Variants in KIT observed in about 807,000 individuals in gnomAD.
KIT encodes mast/stem cell growth factor receptor Kit.
KIT carries 16 observed loss-of-function variants against 105.7 expected under a neutral mutation model. The ratio of observed to expected loss-of-function variants is 0.15; its 90% CI spans 0.10 to 0.23. The LOEUF (loss-of-function observed/expected upper bound fraction) is 0.23, where lower values mean the gene tolerates loss of function less well. KIT is among the 10% of genes least tolerant of loss of function. The pLI is 1.00. For synonymous variants in KIT, 438 were observed against 441.1 expected (o/e 0.99, Z 0.09); for missense variants, 858 against 1,213.8 (o/e 0.71, Z 4.36).
At chr4:54,707,441 A>G (rs1720863682) in intron 6 of KIT, among the ~76,000 whole-genome samples, 154 bp downstream of exon 6, 1 of 152,152 alleles carries the variant, frequency 6.6e-6, no homozygotes, top group African/African-American at 2.4e-5. Context: ...CTAGTATTCC[A>G]TTTTGTTGTG....
intron 8 of KIT, among the ~76,000 whole-genome samples, chr4:54,725,339 A>T (rs1722148538): frequency 6.6e-6 from 1 of 152,148 alleles, no homozygotes; most frequent in African/African-American, 2.4e-5. Context: ...TCCTGACCTC[A>T]GGTGATCTGC....
At chr4:54,689,119 G>A (rs1026373703) in intron 1 of KIT, among the ~76,000 whole-genome samples, 8 of 152,168 alleles carry the variant, frequency 5.3e-5, no homozygotes, top group East Asian at 1.9e-4. Flanking sequence ...GCCCTCCTCC[G>A]ATCTGCTAAT....
intron 4 of KIT, among the ~76,000 whole-genome samples, chr4:54,701,074 CT>C (rs1467296977): frequency 6.6e-6 from 1 of 152,136 alleles, no homozygotes; most frequent in Non-Finnish European, 1.5e-5. Context: ...GAACATTATC[CT>C]TTTTTGAGAT....
Position 54,706,458 on chromosome 4 carries a change from T to C in KIT, c.926-640T>C, listed in dbSNP as rs114381885. On this transcript the variant is annotated intron_variant, in intron 5 of 20. Transcript: ENST00000288135. Reference sequence around the variant, plus strand: ...CTGTTACATTAATTATTTTACTATATAGACTTTTAAAAATATTTATGGATT... The same window carrying C: ...CTGTTACATTAATTATTTTACTATACAGACTTTTAAAAATATTTATGGATT... Among the ~76,000 whole-genome samples, 1,161 of 152,248 alleles carry C rather than the reference T, an allele frequency of 7.6e-3. 26 individuals are homozygous for C. Among genetic ancestry groups the C allele is most frequent in the African/African-American group, 0.027 (1,103 of 41,576 alleles).
intron 5 of KIT, among the ~76,000 whole-genome samples, chr4:54,706,239 T>G (rs1219182152): frequency 6.6e-6 from 1 of 152,092 alleles, no homozygotes; most frequent in Non-Finnish European, 1.5e-5. Flanking sequence ...AAAAAAAATC[T>G]ATATTGCTAA....
At chr4:54,661,014 C>CTG (rs1560369081) in intron 1 of KIT, among the ~76,000 whole-genome samples, 2 of 152,096 alleles carry the variant, frequency 1.3e-5, no homozygotes, top group East Asian at 3.9e-4. Flanking sequence ...GGAGGAAGGG[C>CTG]TGTAGGCATT....
rs184869774 is a variant in KIT, at chr4:54,702,784, T to G, written c.757-940T>G. On this transcript the variant is annotated intron_variant, in intron 4 of 20. Transcript: ENST00000288135. Reference sequence around the variant, plus strand: ...CCTGGTAAGCTCCTTTCCAGAAGGATTTTTCTGATTTATAATACTGTCAGA... The same window carrying G: ...CCTGGTAAGCTCCTTTCCAGAAGGAGTTTTCTGATTTATAATACTGTCAGA... Among the ~76,000 whole-genome samples the G allele has an allele frequency of 1.5e-4, 23 of 152,286 alleles. 1 individual carries two copies. The highest frequency in any genetic ancestry group is 2.1e-4 in the Non-Finnish European group (14 of 68,002).
chr4:54,698,585 TG>T lies in KIT; in HGVS notation c.619+21del. The stretch of plus-strand genomic sequence containing the variant: ...GGCCAGGTACTGGCTCTTTCTTATC[TG>T]CCTCTGGGAGTTGAGAACTCACTTA... On this transcript the variant is annotated intron_variant, in intron 3 of 20. Transcript: ENST00000288135. 6.2e-7 allele frequency: 1 copy of T among 1,613,558 alleles called. No individual in the cohort carries two copies. Among genetic ancestry groups the T allele is most frequent in the East Asian group, 2.2e-5 (1 of 44,880 alleles).
chr4:54,663,410 C>T (rs185234386), intron 1 of KIT, among the ~76,000 whole-genome samples: 11 of 152,230 alleles, frequency 7.2e-5, no homozygotes, highest in African/African-American at 1.4e-4. Context: ...CATAGTGCCC[C>T]GCATAGAGGA....
chr4:54,721,073 T>G (rs1472774440), intron 7 of KIT, among the ~76,000 whole-genome samples: 2 of 152,240 alleles, frequency 1.3e-5, no homozygotes, highest in African/African-American at 4.8e-5. Flanking sequence ...CAGTGCTTAC[T>G]GTGTGCCTGC....
At chr4:54,686,365 C>T (rs1471396820) in intron 1 of KIT, among the ~76,000 whole-genome samples, 1 of 152,172 alleles carries the variant, frequency 6.6e-6, no homozygotes, top group Admixed American at 6.5e-5. Context: ...GTACATAATA[C>T]AGTACTGAGA....
intron 1 of KIT, among the ~76,000 whole-genome samples, chr4:54,668,773 CTA>C (rs1298601698): frequency 3.3e-5 from 5 of 152,116 alleles, no homozygotes; most frequent in African/African-American, 9.7e-5. Flanking sequence ...TAAAACAAGA[CTA>C]TGTTAAAAAG....
chr4:54,711,789 G>A (rs887475219), intron 7 of KIT, among the ~76,000 whole-genome samples: 8 of 152,108 alleles, frequency 5.3e-5, no homozygotes, highest in African/African-American at 1.9e-4. Context: ...TGGTTGCGAT[G>A]ATGAGTGCGT....
At chr4:54,668,272 A>G (rs913655144) in intron 1 of KIT, among the ~76,000 whole-genome samples, 1 of 152,142 alleles carries the variant, frequency 6.6e-6, no homozygotes, top group Admixed American at 6.5e-5. Context: ...TCTGTCACTT[A>G]AGGAAGAGGC....
At chr4:54,707,060 G>C in intron 5 of KIT, 38 bp from the exon 6 acceptor site, 1 of 1,206,136 alleles carries the variant, frequency 8.3e-7, no homozygotes, top group Non-Finnish European at 1.2e-6. Flanking sequence ...AGTAGTTGTA[G>C]ATAATGGTTT....
At chr4:54,698,622 A>G in intron 3 of KIT, 57 bp downstream of exon 3, 1 of 1,583,752 alleles carries the variant, frequency 6.3e-7, no homozygotes, top group Non-Finnish European at 8.7e-7. Context: ...TCTAAAGAAG[A>G]CTTCTCTTCT....
At chr4:54,728,441 T>C (rs902500095) in intron 13 of KIT, among the ~76,000 whole-genome samples, 26 of 152,210 alleles carry the variant, frequency 1.7e-4, no homozygotes, top group African/African-American at 5.8e-4. Context: ...CTTGATCATA[T>C]GTAGCCACTG....
Position 54,699,745 on chromosome 4 carries a change from G to T in KIT, c.735G>T (p.Thr245=), listed in dbSNP as rs150150449. The T allele has an allele frequency of 5.0e-6, 8 of 1,613,696 alleles. No individual in the cohort carries two copies. The highest frequency in any genetic ancestry group is 6.8e-6 in the Non-Finnish European group (8 of 1,179,848). The part of the protein sequence containing the change: ...IKDVSSSVYS[T]WKRENSQTKL... ...ATGTGTCTAGTTCTGTGTACTCAAC[G>T]TGGAAAAGAGAAAACAGTCAGGTGA... is the stretch of plus-strand genomic sequence containing the variant. The change falls in exon 4 of 21, where the codon ACG becomes ACT. Residue 245 remains threonine, a synonymous_variant. Transcript: ENST00000288135.
chr4:54,673,577 A>G (rs767698968), intron 1 of KIT, among the ~76,000 whole-genome samples: 11 of 152,146 alleles, frequency 7.2e-5, no homozygotes, highest in Non-Finnish European at 1.5e-4. Context: ...TCTTTCATTT[A>G]GTTAATTTCT....
Sources: allele counts gnomAD v4.1 joint callset (sites outside exome capture counted in the v4.1 genomes callset), GRCh38; gene constraint gnomAD v4.1.1; transcripts MANE v1.5; gene names NCBI Gene and HGNC (gene_info 2026-07-23, HGNC 2026-07-21).